Variants in TXNDC16 observed in about 807,000 individuals in gnomAD.
The protein encoded by TXNDC16 is thioredoxin domain-containing protein 16.
In TXNDC16, 74 loss-of-function variants were observed where a neutral mutation model predicts 85.6. The observed-to-expected ratio is 0.86, with a 90% CI of 0.72 to 1.05. TXNDC16 has a LOEUF of 1.05. Among genes scored for constraint, TXNDC16 ranks in the 50% least tolerant of loss-of-function variants. The pLI is 0.00. For missense variants in TXNDC16, 959 were observed against 947.0 expected (o/e 1.01, Z -0.17); for synonymous variants, 335 against 326.5 (o/e 1.03, Z -0.28).
At chr14:52,515,711 A>G (rs1400525872) in intron 7 of TXNDC16, among the ~76,000 whole-genome samples, 2 of 138,020 alleles carry the variant, frequency 1.4e-5, no homozygotes, top group Non-Finnish European at 3.1e-5. Flanking sequence ...GTGTGTGTGT[A>G]TCATATATAA....
rs370044734 is a variant in TXNDC16, at chr14:52,537,708, T to G, written c.244-36A>C. ...GTATACTTAAGTTTTAGCATATATA[T>G]CAAAAGGTCAAGTTTCTTGGTTGGG... On this transcript the variant is annotated intron_variant, in intron 4 of 20. Transcript: ENST00000281741. The G allele has an allele frequency of 1.4e-5, 17 of 1,231,966 alleles. No individual in the cohort carries two copies. In the African/African-American group the frequency reaches 1.5e-4, roughly 11 times the overall value. The allele number at this position is 1,231,966 out of a possible 1,614,324, so 76.3% of individuals were successfully genotyped here.
intron 9 of TXNDC16, among the ~76,000 whole-genome samples, chr14:52,492,659 C>T (rs1733946230): frequency 6.6e-6 from 1 of 152,172 alleles, no homozygotes; most frequent in Non-Finnish European, 1.5e-5. Flanking sequence ...TTGAACTAGG[C>T]AGGGAGGTGG....
intron 6 of TXNDC16, among the ~76,000 whole-genome samples, chr14:52,529,900 T>TATTATATATTATATAATATAC (rs2037453072): frequency 3.8e-5 from 4 of 104,470 alleles, no homozygotes; most frequent in African/African-American, 1.6e-4. Context: ...ATATATTATA[T>TATTATATATTATATAATATAC]ATTATATATT....
intron 9 of TXNDC16, among the ~76,000 whole-genome samples, chr14:52,499,375 CAT>C (rs1454272059): frequency 2.6e-5 from 4 of 151,928 alleles, no homozygotes; most frequent in African/African-American, 9.7e-5. Flanking sequence ...GTCTGCAAAA[CAT>C]ATATGAGATA....
At chr14:52,461,810 T>C (rs1322929661) in intron 16 of TXNDC16, among the ~76,000 whole-genome samples, 1 of 152,238 alleles carries the variant, frequency 6.6e-6, no homozygotes, top group East Asian at 1.9e-4. Flanking sequence ...CCCCAGAATC[T>C]TGAAGCTCAA....
chr14:52,477,182 A>G (rs573414001), intron 14 of TXNDC16, among the ~76,000 whole-genome samples: 1 of 152,212 alleles, frequency 6.6e-6, no homozygotes, highest in Non-Finnish European at 1.5e-5. Context: ...GGAGCTCTAG[A>G]TCTTGAAACA....
At chr14:52,520,534 C>T (rs899114307) in intron 6 of TXNDC16, among the ~76,000 whole-genome samples, 1 of 152,030 alleles carries the variant, frequency 6.6e-6, no homozygotes, top group Non-Finnish European at 1.5e-5. Context: ...GGCATGAACC[C>T]GGGAGGAGGA....
chr14:52,465,589 C>G (rs1425693269), intron 16 of TXNDC16, among the ~76,000 whole-genome samples: 5 of 129,754 alleles, frequency 3.9e-5, no homozygotes, highest in Non-Finnish European at 6.4e-5. Context: ...AAGACTCCAT[C>G]TCAAAAAAAA....
chr14:52,463,359 G>A (rs1011736710), intron 16 of TXNDC16, among the ~76,000 whole-genome samples: 14 of 152,124 alleles, frequency 9.2e-5, no homozygotes, highest in South Asian at 4.1e-4. Flanking sequence ...CTATGCTTCC[G>A]GGGGTCGCTG....
At chr14:52,542,226 G>A (rs2037845451) in intron 4 of TXNDC16, 145 bp downstream of exon 4, 1 of 585,660 alleles carries the variant, frequency 1.7e-6, no homozygotes, top group African/African-American at 1.9e-5. Context: ...CTATCTTTCT[G>A]GGCTTCTGTT....
intron 9 of TXNDC16, among the ~76,000 whole-genome samples, chr14:52,491,568 G>T (rs2036408523): frequency 1.4e-5 from 2 of 143,266 alleles, no homozygotes; most frequent in African/African-American, 5.4e-5. Context: ...CAATCATAAA[G>T]AATAAACATA....
At chr14:52,509,674 TA>T (rs11362920) in intron 9 of TXNDC16, among the ~76,000 whole-genome samples, 20,117 of 146,910 alleles carry the variant, frequency 0.14, 1,543 homozygotes, top group African/African-American at 0.22. Flanking sequence ...TGGCAGCACA[TA>T]AAAAAAAAAG....
At chr14:52,518,190 T>G (rs1338969739) in intron 7 of TXNDC16, among the ~76,000 whole-genome samples, 2 of 152,248 alleles carry the variant, frequency 1.3e-5, no homozygotes, top group African/African-American at 4.8e-5. Context: ...AGGTTCAGTC[T>G]TCTCTTTTCC....
intron 8 of TXNDC16, among the ~76,000 whole-genome samples, chr14:52,512,426 G>A (rs1308711795): frequency 2.0e-5 from 3 of 152,114 alleles, no homozygotes; most frequent in Admixed American, 1.3e-4. Flanking sequence ...CAAAAAGGGA[G>A]AGAATTCCCC....
At chr14:52,504,728 C>A in intron 9 of TXNDC16, among the ~76,000 whole-genome samples, 1 of 152,244 alleles carries the variant, frequency 6.6e-6, no homozygotes, top group South Asian at 2.1e-4. Context: ...CAATATCAAC[C>A]TTAAATGTAA....
intron 16 of TXNDC16, among the ~76,000 whole-genome samples, chr14:52,469,357 A>C (rs1344377809): frequency 6.6e-6 from 1 of 152,036 alleles, no homozygotes; most frequent in East Asian, 1.9e-4. Context: ...AAAAAAAAAA[A>C]CAAAAAACAA....
In TXNDC16 at chr14:52,470,531, G is replaced by C; in HGVS notation, c.1462C>G (p.Leu488Val). The change falls in exon 15 of 21, where the codon CTC becomes GTC. Residue 488 changes from leucine to valine, a missense_variant. Physicochemically the swap from Leu to Val is conservative, Grantham distance 32. Transcript: ENST00000281741. ...ACTTACAGCTGGATAAATTTTAGGA[G>C]ATCTTCGGTTCCTAACATTCCAGCA... is the stretch of plus-strand genomic sequence containing the variant. The part of the protein sequence containing the change: ...SYAGMLGTED[L>V]LKFIQLNRIS... 1.2e-6 allele frequency: 2 copies of C among 1,612,808 alleles called. No homozygotes were observed. The highest frequency in any genetic ancestry group is 1.7e-6 in the Non-Finnish European group (2 of 1,179,570).
chr14:52,482,553 C>G (rs1443486616), intron 13 of TXNDC16, among the ~76,000 whole-genome samples: 1 of 152,048 alleles, frequency 6.6e-6, no homozygotes, highest in Non-Finnish European at 1.5e-5. Flanking sequence ...TCTATAATAA[C>G]TGTTAATATG....
chr14:52,529,901 A>ATTATATT (rs2037453199), intron 6 of TXNDC16, among the ~76,000 whole-genome samples: 1 of 104,844 alleles, frequency 9.5e-6, no homozygotes, highest in African/African-American at 3.9e-5. Flanking sequence ...TATATTATAT[A>ATTATATT]TTATATATTA....
Sources: gnomAD v4.1 joint callset for allele counts (sites outside exome capture counted in the v4.1 genomes callset) on GRCh38, gnomAD v4.1.1 for gene constraint, MANE v1.5 for transcripts, NCBI Gene and HGNC (gene_info 2026-07-23, HGNC 2026-07-21) for gene names.